Variants in ANK1 observed in about 807,000 individuals in gnomAD.
The protein encoded by ANK1 is ankyrin 1.
In ANK1, 51 loss-of-function variants were observed where a neutral mutation model predicts 210.4. The ratio of observed to expected loss-of-function variants is 0.24; its 90% CI spans 0.19 to 0.31. The LOEUF is 0.31. Ranked by LOEUF, ANK1 falls within the 10% of genes least tolerant of loss-of-function variation. ANK1 has a pLI of 1.00. For missense variants in ANK1, 2,051 were observed against 2,504.4 expected (o/e 0.82, Z 3.86); for synonymous variants, 967 against 1,025.9 (o/e 0.94, Z 1.10).
chr8:41,769,965 TTTTTC>T (rs1337353863), intron 1 of ANK1, among the ~76,000 whole-genome samples: 1 of 129,498 alleles, frequency 7.7e-6, no homozygotes, highest in African/African-American at 3.0e-5. Context: ...TCTTCTTTTT[TTTTTC>T]TTTTTTCTTT....
chr8:41,769,980 T>C (rs887378383), intron 1 of ANK1, among the ~76,000 whole-genome samples: 1 of 114,808 alleles, frequency 8.7e-6, no homozygotes, highest in Non-Finnish European at 2.0e-5. Flanking sequence ...CTTTTTTCTT[T>C]TTTTTTTTTT....
intron 1 of ANK1, among the ~76,000 whole-genome samples, chr8:41,775,549 A>G (rs1473435554): frequency 6.6e-6 from 1 of 152,206 alleles, no homozygotes; most frequent in Non-Finnish European, 1.5e-5. Flanking sequence ...CAGAAGTGAG[A>G]GCAGGAAGGG....
At chr8:41,665,320 G>T in intron 39 of ANK1, 1 of 1,357,198 alleles carries the variant, frequency 7.4e-7, no homozygotes. Flanking sequence ...CCCCAAACCA[G>T]CTGCCGGAGC....
intron 1 of ANK1, among the ~76,000 whole-genome samples, chr8:41,759,061 T>G (rs1023368488): frequency 1.3e-5 from 2 of 151,930 alleles, no homozygotes; most frequent in Admixed American, 6.6e-5. Context: ...CAAACAGCTA[T>G]GTGCTGTCAA....
At chr8:41,787,331 C>T (rs1450972530) in intron 1 of ANK1, among the ~76,000 whole-genome samples, 1 of 152,192 alleles carries the variant, frequency 6.6e-6, no homozygotes, top group African/African-American at 2.4e-5. Flanking sequence ...AATGAAAAGC[C>T]TCCCCTACCT....
In ANK1 at chr8:41,679,514, GCT is replaced by G. The variant is rs1312367840; in HGVS notation, c.4537+5028_4537+5029del. 5.3e-5 allele frequency among the ~76,000 whole-genome samples: 8 copies of G among 150,240 alleles called. No homozygotes were observed. In the East Asian group the frequency reaches 1.6e-3, roughly 30 times the overall value. ...TCTGTGCAACTGTCTCCTCTCTGGT[GCT>G]CTGTCTTGAGAACTCCAGCTGTCTT... On this transcript the variant is annotated intron_variant, in intron 37 of 42. Transcript: ENST00000289734.
intron 1 of ANK1, among the ~76,000 whole-genome samples, chr8:41,851,572 C>T (rs1176208836): frequency 1.3e-5 from 2 of 152,242 alleles, no homozygotes; most frequent in Non-Finnish European, 2.9e-5. Context: ...CCCTAGCTGG[C>T]TGGGTGCGTG....
At chr8:41,796,491 C>T (rs910116031) in intron 1 of ANK1, among the ~76,000 whole-genome samples, 27 of 150,782 alleles carry the variant, frequency 1.8e-4, no homozygotes, top group African/African-American at 6.4e-4. Context: ...AATTGCTTGC[C>T]GCTGGTGGAA....
chr8:41,859,105 T>G (rs1812754529), intron 1 of ANK1, among the ~76,000 whole-genome samples: 2 of 152,190 alleles, frequency 1.3e-5, no homozygotes, highest in Admixed American at 1.3e-4. Flanking sequence ...GTCCTGGGGA[T>G]TTCCCGCCCA....
intron 2 of ANK1, among the ~76,000 whole-genome samples, chr8:41,738,940 TAA>T (rs1424027116): frequency 7.2e-5 from 11 of 152,212 alleles, no homozygotes; most frequent in Non-Finnish European, 1.2e-4. Context: ...CAGAATAATA[TAA>T]GAGTAAATGA....
Position 41,704,302 on chromosome 8 carries a change from C to A in ANK1, c.2196+72G>T. ...GGTCAAAACCCTAGTGCTCCCAGAG[C>A]AGCTCTGGCTTTACCCTGATGTGGC... On this transcript the variant is annotated intron_variant, in intron 19 of 42. Transcript: ENST00000289734. This position sits in a 1 kb window ranked among gnomAD's most constrained non-coding sequence, Gnocchi z 4.1. 6.7e-7 allele frequency: 1 copy of A among 1,489,714 alleles called. No individual in the cohort carries two copies. Among genetic ancestry groups the A allele is most frequent in the Admixed American group, 1.7e-5 (1 of 59,468 alleles). 92.3% of individuals were successfully genotyped at this position (1,489,714 alleles called of 1,614,324 possible).
At chr8:41,827,891 C>T (rs1374116194) in intron 1 of ANK1, among the ~76,000 whole-genome samples, 3 of 149,970 alleles carry the variant, frequency 2.0e-5, no homozygotes, top group Non-Finnish European at 4.4e-5. Flanking sequence ...TGCTCACGCC[C>T]ACACATGCAC....
At chr8:41,748,865 C>T (rs1836883852) in intron 2 of ANK1, among the ~76,000 whole-genome samples, 1 of 152,166 alleles carries the variant, frequency 6.6e-6, no homozygotes, top group Non-Finnish European at 1.5e-5. Flanking sequence ...GAAATCCCGT[C>T]TCTGCTAAAA....
At chr8:41,879,021 G>A (rs547365694) in intron 1 of ANK1, among the ~76,000 whole-genome samples, 44 of 152,126 alleles carry the variant, frequency 2.9e-4, no homozygotes, top group African/African-American at 8.4e-4. Flanking sequence ...CCGAGATTGC[G>A]CCACTGCACT....
At position 41,692,634 on chromosome 8, in the gene ANK1, C is replaced by A; in HGVS notation, c.3858+14G>T. The A allele has an allele frequency of 6.2e-7, 1 of 1,609,566 alleles. No individual in the cohort carries two copies. The highest frequency in any genetic ancestry group is 8.5e-7 in the Non-Finnish European group (1 of 1,177,446). On this transcript the variant is annotated intron_variant, in intron 31 of 42. Coordinates refer to ENST00000289734, the MANE Select transcript of ANK1 (RefSeq NM_000037.4). Reference sequence around the variant, plus strand: ...GGTTTGTCCCAGAGGCGGTGCAGGGCCCAGCCCTGTTACCTCTATGTCCCT... The same window carrying A: ...GGTTTGTCCCAGAGGCGGTGCAGGGACCAGCCCTGTTACCTCTATGTCCCT...
In ANK1 at chr8:41,726,394, A is replaced by ATTG. The variant is rs768205124; in HGVS notation, c.427-449_427-448insCAA. Among the ~76,000 whole-genome samples the ATTG allele has an allele frequency of 9.9e-5, 15 of 152,086 alleles. No homozygotes were observed. The South Asian group carries it at 1.0e-3, about 11-fold the overall frequency. On this transcript the variant is annotated intron_variant, in intron 5 of 42. Coordinates refer to ENST00000289734, the MANE Select transcript of ANK1 (RefSeq NM_000037.4). ...TCAATTGTGAGCTATTATTATTATT[A>ATTG]TTATTTTATTTTTGAGACAGGGTCT...
chr8:41,879,116 T>C (rs1817134782), intron 1 of ANK1, among the ~76,000 whole-genome samples: 1 of 152,074 alleles, frequency 6.6e-6, no homozygotes, highest in South Asian at 2.1e-4. Flanking sequence ...ACAATGTGTT[T>C]AAAATATAGC....
chr8:41,804,390 A>G (rs1408278643), intron 1 of ANK1, among the ~76,000 whole-genome samples: 1 of 152,252 alleles, frequency 6.6e-6, no homozygotes, highest in Non-Finnish European at 1.5e-5. Flanking sequence ...GAAGCAAATC[A>G]CTAAACCAGC....
intron 3 of ANK1, among the ~76,000 whole-genome samples, chr8:41,729,255 A>G (rs6999302): frequency 0.26 from 40,255 of 152,196 alleles, 6,314 homozygotes; most frequent in Non-Finnish European, 0.34. Context: ...ACCAAATCCA[A>G]GAGGAGAGAA....
Sources: allele counts gnomAD v4.1 joint callset (sites outside exome capture counted in the v4.1 genomes callset), GRCh38; gene constraint gnomAD v4.1.1; non-coding constraint Gnocchi (gnomAD v3.1); transcripts MANE v1.5; gene names NCBI Gene and HGNC (gene_info 2026-07-23, HGNC 2026-07-21).